Variants in GRIP1 observed in about 807,000 individuals in gnomAD.
GRIP1 encodes glutamate receptor-interacting protein 1.
A neutral mutation model predicts 129.9 loss-of-function variants in GRIP1; 45 were observed. The observed-to-expected ratio is 0.35, with a 90% CI of 0.27 to 0.44. GRIP1 has a LOEUF of 0.44. Among genes scored for constraint, GRIP1 ranks in the 20% least tolerant of loss-of-function variants. The pLI, the probability that GRIP1 is intolerant of heterozygous loss-of-function variation, is 1.00. For synonymous variants in GRIP1, 530 were observed against 520.8 expected, an observed-to-expected ratio of 1.02 and a Z score of -0.24; for missense variants, 1,196 against 1,396.8, an observed-to-expected ratio of 0.86 and a Z score of 2.29.
At chr12:66,989,283 T>C (rs1324455421) in intron 1 of GRIP1, among the ~76,000 whole-genome samples, 1 of 152,242 alleles carries the variant, frequency 6.6e-6, no homozygotes, top group African/African-American at 2.4e-5. Context: ...CTGGACACCT[T>C]CTTCTTTGTT....
At chr12:66,983,002 T>C (rs1451160558) in intron 1 of GRIP1, among the ~76,000 whole-genome samples, 1 of 152,172 alleles carries the variant, frequency 6.6e-6, no homozygotes, top group Non-Finnish European at 1.5e-5. Context: ...CAAAATCAGC[T>C]TTCATTAGCT....
At chr12:67,065,994 A>G (rs1253723054) in intron 1 of GRIP1, among the ~76,000 whole-genome samples, 2 of 152,228 alleles carry the variant, frequency 1.3e-5, no homozygotes, top group African/African-American at 4.8e-5. Flanking sequence ...TCAGGCAGAA[A>G]GTCAGGGGTA....
In GRIP1 at chr12:66,573,112, A is replaced by G. The variant is rs7968041; in HGVS notation, c.136+23735T>C. On this transcript the variant is annotated intron_variant, in intron 2 of 24. Coordinates refer to ENST00000359742, the MANE Select transcript of GRIP1 (RefSeq NM_001366722.1). ...GTATATATGTCGGCATATATATGTT[A>G]TATATATGCCGACTGTAGCACCTAT... 2.2e-3 allele frequency among the ~76,000 whole-genome samples: 169 copies of G among 77,538 alleles called. 1 individual carries two copies. The highest frequency in any genetic ancestry group is 9.1e-3 in the African/African-American group (148 of 16,222). 50.9% of individuals were successfully genotyped at this position (77,538 alleles called of 152,430 possible). A position where few individuals can be genotyped will look rare whatever the true frequency, so the allele number is the denominator to read the frequency against.
intron 1 of GRIP1, among the ~76,000 whole-genome samples, chr12:66,607,900 C>A (rs746803191): frequency 3.3e-5 from 5 of 152,156 alleles, no homozygotes; most frequent in Non-Finnish European, 7.4e-5. Flanking sequence ...TCAGAACTCA[C>A]TTTTTTATAG....
intron 2 of GRIP1, among the ~76,000 whole-genome samples, chr12:66,586,018 C>T (rs183768693): frequency 1.1e-3 from 167 of 152,314 alleles, no homozygotes; most frequent in African/African-American, 4.0e-3. Context: ...CACGAACATG[C>T]TGCATCCTCT....
chr12:66,645,744 T>C (rs1006558786), intron 1 of GRIP1, among the ~76,000 whole-genome samples: 1 of 152,244 alleles, frequency 6.6e-6, no homozygotes, highest in Non-Finnish European at 1.5e-5. Flanking sequence ...AGTATGCATC[T>C]TCTCAAAGCA....
chr12:66,685,050 T>C (rs2034731049), intron 1 of GRIP1, among the ~76,000 whole-genome samples: 1 of 152,092 alleles, frequency 6.6e-6, no homozygotes, highest in Non-Finnish European at 1.5e-5. Context: ...AAGCTCACCT[T>C]TAAAATACCT....
At chr12:66,969,783 AT>A (rs1253164761) in intron 1 of GRIP1, among the ~76,000 whole-genome samples, 3 of 151,844 alleles carry the variant, frequency 2.0e-5, no homozygotes, top group Non-Finnish European at 4.4e-5. Context: ...TATCTTCAAG[AT>A]TACTGAGACT....
At chr12:66,388,175 C>T (rs969248121) in intron 19 of GRIP1, among the ~76,000 whole-genome samples, 9 of 150,820 alleles carry the variant, frequency 6.0e-5, no homozygotes, top group Middle Eastern at 3.5e-3. Context: ...TGTTACTAAT[C>T]GAATCATGGG....
chr12:66,899,025 A>G (rs570246059), intron 1 of GRIP1, among the ~76,000 whole-genome samples: 8 of 152,222 alleles, frequency 5.3e-5, no homozygotes, highest in Admixed American at 2.0e-4. Flanking sequence ...ACAGAAAGGG[A>G]TCAGGTTGTC....
intron 7 of GRIP1, among the ~76,000 whole-genome samples, chr12:66,480,671 G>A (rs1310234851): frequency 6.6e-6 from 1 of 152,092 alleles, no homozygotes; most frequent in African/African-American, 2.4e-5. Context: ...ATACTACAAG[G>A]CTACAGTAAC....
intron 12 of GRIP1, 148 bp from the exon 13 acceptor site, chr12:66,444,877 T>G (rs969757566): frequency 1.8e-5 from 14 of 777,764 alleles, no homozygotes; most frequent in Non-Finnish European, 2.9e-5. Context: ...TAGGTCAAAT[T>G]CAACGTCGTG....
chr12:66,621,405 A>T (rs1192996446), intron 1 of GRIP1, among the ~76,000 whole-genome samples: 4 of 152,184 alleles, frequency 2.6e-5, no homozygotes, highest in Non-Finnish European at 4.4e-5. Flanking sequence ...AATGTCTTCC[A>T]AGTGTATCCA....
intron 7 of GRIP1, among the ~76,000 whole-genome samples, chr12:66,466,330 TCAATCACAG>T (rs1404075664): frequency 2.0e-5 from 3 of 152,340 alleles, no homozygotes; most frequent in African/African-American, 7.2e-5. Flanking sequence ...CTATGTCTTG[TCAATCACAG>T]CATTCTCAGT....
intron 5 of GRIP1, among the ~76,000 whole-genome samples, chr12:66,520,151 TTC>T (rs2060957955): frequency 6.6e-6 from 1 of 152,232 alleles, no homozygotes; most frequent in African/African-American, 2.4e-5. Context: ...CTGCAATATC[TTC>T]TCTTTCCTGA....
chr12:67,045,990 G>C lies in GRIP1; in HGVS notation c.58+23060C>G, dbSNP rs187311258. ...CAGAACAAACCTTCCCAATTTGGGG[G>C]TGCAAATTTTGATGTCTGAAGCACA... On this transcript the variant is annotated intron_variant, in intron 1 of 1. Transcript: ENST00000643019. Among the ~76,000 whole-genome samples the C allele has an allele frequency of 4.7e-3, 719 of 152,268 alleles. 5 individuals carry two copies. Among genetic ancestry groups the C allele is most frequent in the African/African-American group, 0.017 (686 of 41,554 alleles).
chr12:66,997,016 C>A (rs2042477272), intron 1 of GRIP1, among the ~76,000 whole-genome samples: 1 of 152,086 alleles, frequency 6.6e-6, no homozygotes, highest in Admixed American at 6.6e-5. Context: ...TTGGCAACCA[C>A]TGGACAGAAA....
At chr12:67,060,824 CAAAAA>C (rs11300344) in intron 1 of GRIP1, among the ~76,000 whole-genome samples, 3 of 104,754 alleles carry the variant, frequency 2.9e-5, no homozygotes, top group East Asian at 2.7e-4. Flanking sequence ...AACTCCGTCT[CAAAAA>C]AAAAAAAAAA....
chr12:67,068,862 C>CCCCCCCCCCCGCCCCCCCT (rs2043682372), intron 1 of GRIP1, among the ~76,000 whole-genome samples: 2 of 71,896 alleles, frequency 2.8e-5, no homozygotes, highest in African/African-American at 5.3e-5. Flanking sequence ...CGCCCCCCCC[C>CCCCCCCCCCCGCCCCCCCT]CCCCCCGCAA....
Sources: gnomAD v4.1 joint callset for allele counts (sites outside exome capture counted in the v4.1 genomes callset) on GRCh38, gnomAD v4.1.1 for gene constraint, MANE v1.5 for transcripts, NCBI Gene and HGNC (gene_info 2026-07-23, HGNC 2026-07-21) for gene names.